Variants in GLIPR1 observed in about 807,000 individuals in gnomAD.
GLIPR1 encodes GLI pathogenesis related 1, also known as glioma pathogenesis-related protein 1.
A neutral mutation model predicts 30.3 loss-of-function variants in GLIPR1; 38 were observed. The ratio of observed to expected loss-of-function variants is 1.26; its 90% confidence interval spans 0.97 to 1.65. The LOEUF (loss-of-function observed/expected upper bound fraction) is 1.65. Among genes scored for constraint, GLIPR1 ranks in the 40% most tolerant of loss-of-function variants. GLIPR1 has a pLI of 0.00. For missense variants in GLIPR1, 285 were observed against 326.5 expected, an observed-to-expected ratio of 0.87 and a Z score of 0.98; for synonymous variants, 122 against 110.6, an observed-to-expected ratio of 1.10 and a Z score of -0.65.
At chr12:75,495,840 T>C in intron 4 of GLIPR1, 178 bp downstream of exon 4, 1 of 430,920 alleles carries the variant, frequency 2.3e-6, no homozygotes, top group Non-Finnish European at 4.2e-6. Context: ...AATTTAAATG[T>C]GAAAATCACG....
At chr12:75,481,183 C>G in intron 1 of GLIPR1, 129 bp downstream of exon 1, 1 of 656,694 alleles carries the variant, frequency 1.5e-6, no homozygotes, top group Non-Finnish European at 2.5e-6. Flanking sequence ...GCAGTAAATT[C>G]ACAGTCTGTG....
chr12:75,489,170 C>CAGAAAGCAAAAGA (rs1293882967), intron 2 of GLIPR1, among the ~76,000 whole-genome samples: 1 of 152,006 alleles, frequency 6.6e-6, no homozygotes, highest in African/African-American at 2.4e-5. Flanking sequence ...ATCTTTTGTT[C>CAGAAAGCAAAAGA]AGAAAGCAAA....
chr12:75,486,295 A>G (rs1289697007), intron 2 of GLIPR1, among the ~76,000 whole-genome samples: 1 of 151,316 alleles, frequency 6.6e-6, no homozygotes, highest in East Asian at 2.0e-4. Context: ...GTAAGAAAAC[A>G]TACAACAGAA....
At chr12:75,483,790 T>C (rs2046281800) in intron 2 of GLIPR1, 1 of 152,184 alleles carries the variant, frequency 6.6e-6, no homozygotes, top group Admixed American at 6.5e-5. Flanking sequence ...GGAAGAGAAT[T>C]CTCAGCAAGG....
In GLIPR1 at chr12:75,502,027, A is replaced by T. The variant is rs2046398058; in HGVS notation, c.*3049A>T. On this transcript the variant is annotated 3_prime_UTR_variant, in exon 6 of 6. Coordinates refer to ENST00000266659, the MANE Select transcript of GLIPR1 (RefSeq NM_006851.3). ...TGTTGAAAACGGTATTTACAATTAC[A>T]TCAGAAATAATGTAGAGGAGAAGTC... The T allele has an allele frequency of 1.9e-6, 3 of 1,569,458 alleles. No individual in the cohort carries two copies. The highest frequency in any genetic ancestry group is 2.6e-6 in the Non-Finnish European group (3 of 1,141,958).
At position 75,499,810 on chromosome 12, in the gene GLIPR1, T is replaced by G. The variant is rs1260836798; in HGVS notation, c.*832T>G. 6.3e-7 allele frequency: 1 copy of G among 1,598,100 alleles called. No homozygotes were observed. The highest frequency in any genetic ancestry group is 8.5e-7 in the Non-Finnish European group (1 of 1,174,490). ...TCTAGTCAAGGAGTTTTGGGTATGTTACTTTTTTTTCTTCTTTTTCTTTTC... is the reference window on the plus strand; with the variant it reads ...TCTAGTCAAGGAGTTTTGGGTATGTGACTTTTTTTTCTTCTTTTTCTTTTC... On this transcript the variant is annotated 3_prime_UTR_variant, in exon 6 of 6. Coordinates refer to ENST00000266659, the MANE Select transcript of GLIPR1 (RefSeq NM_006851.3).
At position 75,498,721 on chromosome 12, in the gene GLIPR1, G is replaced by A. The variant is rs760377605; in HGVS notation, c.646+1G>A. On this transcript the variant is annotated splice_donor_variant, in intron 5 of 5. Coordinates refer to ENST00000266659, the MANE Select transcript of GLIPR1 (RefSeq NM_006851.3). LOFTEE classifies it high-confidence loss of function. Reference sequence around the variant, plus strand: ...AACCGACAGCGAGACCAAGTCAAACGTACGTACATCAATCTTAAATTGTTT... The same window carrying A: ...AACCGACAGCGAGACCAAGTCAAACATACGTACATCAATCTTAAATTGTTT... The A allele has an allele frequency of 6.2e-6, 10 of 1,612,084 alleles. No individual in the cohort carries two copies. Among genetic ancestry groups the A allele is most frequent in the South Asian group, 3.3e-5 (3 of 90,952 alleles).
In GLIPR1 at chr12:75,499,908, C is replaced by T. The variant is rs77063640; in HGVS notation, c.*930C>T. On this transcript the variant is annotated 3_prime_UTR_variant, in exon 6 of 6. Transcript: ENST00000266659. ...GTTTCTTATTCTTTGCTTTCTTAAC[C>T]TTTTCCTTGATGCTGGCCACATCAA... is the stretch of plus-strand genomic sequence containing the variant. 3.9e-4 allele frequency: 622 copies of T among 1,608,936 alleles called. 3 individuals carry two copies. In the African/African-American group the frequency reaches 7.3e-3, roughly 19 times the overall value.
chr12:75,493,101 G>C (rs764363833), intron 3 of GLIPR1: 1 of 152,084 alleles, frequency 6.6e-6, no homozygotes, highest in South Asian at 2.1e-4. Flanking sequence ...CAGATGAAAC[G>C]GGGGGAGGAA....
rs771236109 is a variant in GLIPR1 at position 75,499,028 on chromosome 12, CT to C, written c.*59del. 1.7e-3 allele frequency: 2,175 copies of C among 1,260,630 alleles called. 1 individual carries two copies. Among genetic ancestry groups the C allele is most frequent in the African/African-American group, 4.5e-3 (296 of 65,410 alleles). 78.1% of individuals were successfully genotyped at this position (1,260,630 alleles called of 1,614,324 possible). ...AAAAACCAACCTCATTCACATATGG[CT>C]TTTTTTTTAACCAATAACAATTAGG... On this transcript the variant is annotated 3_prime_UTR_variant, in exon 6 of 6. Coordinates refer to ENST00000266659, the MANE Select transcript of GLIPR1 (RefSeq NM_006851.3).
In GLIPR1 at chr12:75,501,892, A is replaced by C. The variant is rs370277894; in HGVS notation, c.*2914A>C. ...AATTCAAGTATCTATGAACTTTGCTATTCATGTGAGCCAGACATAAAGTGC... is the reference window on the plus strand; with the variant it reads ...AATTCAAGTATCTATGAACTTTGCTCTTCATGTGAGCCAGACATAAAGTGC... On this transcript the variant is annotated 3_prime_UTR_variant, in exon 6 of 6. Coordinates refer to ENST00000266659, the MANE Select transcript of GLIPR1 (RefSeq NM_006851.3). The C allele has an allele frequency of 3.1e-6, 5 of 1,599,610 alleles. No individual in the cohort carries two copies. The African/African-American group carries it at 5.4e-5, about 17-fold the overall frequency.
intron 2 of GLIPR1, among the ~76,000 whole-genome samples, chr12:75,490,134 A>C (rs1268353364): frequency 6.6e-6 from 1 of 151,246 alleles, no homozygotes; most frequent in Non-Finnish European, 1.5e-5. Flanking sequence ...CCTTGCCAGC[A>C]ATCACTCCCT....
At chr12:75,494,742 T>C (rs560429545) in intron 3 of GLIPR1, 1 of 152,326 alleles carries the variant, frequency 6.6e-6, no homozygotes, top group South Asian at 2.1e-4. Context: ...TTCATTGAGA[T>C]AAATGTGCCC....
chr12:75,489,358 A>G (rs1449976316), intron 2 of GLIPR1, among the ~76,000 whole-genome samples: 1 of 152,068 alleles, frequency 6.6e-6, no homozygotes, highest in Admixed American at 6.5e-5. Flanking sequence ...GTTTGCTTTC[A>G]TTATTCCAGA....
At chr12:75,485,723 T>C (rs1438511683) in intron 2 of GLIPR1, among the ~76,000 whole-genome samples, 1 of 151,636 alleles carries the variant, frequency 6.6e-6, no homozygotes, top group Non-Finnish European at 1.5e-5. Context: ...GCTAATTTTT[T>C]GTATTTTTAG....
chr12:75,481,215 C>A, intron 1 of GLIPR1, 161 bp downstream of exon 1: 1 of 517,538 alleles, frequency 1.9e-6, no homozygotes, highest in Non-Finnish European at 3.4e-6. Context: ...TCCAGTTTAG[C>A]TCTGTCTACC....
At chr12:75,485,264 T>C (rs2046288162) in intron 2 of GLIPR1, among the ~76,000 whole-genome samples, 1 of 152,240 alleles carries the variant, frequency 6.6e-6, no homozygotes, top group Non-Finnish European at 1.5e-5. Flanking sequence ...CTTGATGTAT[T>C]CATTCAACAC....
chr12:75,480,872 A>T lies in GLIPR1; in HGVS notation c.-9A>T, dbSNP rs375929339. ...CTGCAGCCTCCCAAGGCTCCATGCC[A>T]GACAAAGCATGCGTGTCACACTTGC... On this transcript the variant is annotated 5_prime_UTR_variant, in exon 1 of 6. Transcript: ENST00000266659. 22 of 1,604,106 alleles carry T rather than the reference A, an allele frequency of 1.4e-5. No individual in the cohort carries two copies. Among genetic ancestry groups the T allele is most frequent in the Non-Finnish European group, 1.9e-5 (22 of 1,173,194 alleles).
At chr12:75,493,127 A>G (rs189999940) in intron 3 of GLIPR1, 5 of 152,306 alleles carry the variant, frequency 3.3e-5, no homozygotes, top group Non-Finnish European at 5.9e-5. Context: ...TTGCAGATCT[A>G]GCGGGAACTT....
Sources: allele counts gnomAD v4.1 joint callset (sites outside exome capture counted in the v4.1 genomes callset), GRCh38; gene constraint gnomAD v4.1.1; transcripts MANE v1.5; gene names NCBI Gene and HGNC (gene_info 2026-07-23, HGNC 2026-07-21).